Variants in PTOV1 observed in about 807,000 individuals in gnomAD.
PTOV1 encodes PTOV1 extended AT-hook containing adaptor protein.
In PTOV1, 20 loss-of-function variants were observed where a neutral mutation model predicts 58.0. The observed-to-expected ratio is 0.34, with a 90% CI of 0.24 to 0.50. The LOEUF (loss-of-function observed/expected upper bound fraction) is 0.50, where lower values mean the gene tolerates loss of function less well. Among genes scored for constraint, PTOV1 ranks in the 20% least tolerant of loss-of-function variants. The pLI, the probability that PTOV1 is intolerant of heterozygous loss-of-function variation, is 0.98. For missense variants in PTOV1, 593 were observed against 565.4 expected (o/e 1.05, Z -0.50); for synonymous variants, 335 against 234.2 (o/e 1.43, Z -3.93).
intron 4 of PTOV1, 29 bp from the exon 5 acceptor site, chr19:49,854,941 G>A (rs1313772952): frequency 1.3e-6 from 2 of 1,596,928 alleles, no homozygotes; most frequent in South Asian, 1.1e-5. Flanking sequence ...ATGCCTGGCT[G>A]ACCCAGCTGT....
chr19:49,860,576 C>G lies in PTOV1; in HGVS notation c.*297C>G, dbSNP rs551847557. Reference sequence around the variant, plus strand: ...GGGATGTGGGGTCAGTGCTTGGGAGCCTGTGGCCAGCAGCCCCCACTGCAC... The same window carrying G: ...GGGATGTGGGGTCAGTGCTTGGGAGGCTGTGGCCAGCAGCCCCCACTGCAC... On this transcript the variant is annotated 3_prime_UTR_variant, in exon 12 of 12. Coordinates refer to ENST00000391842, the Ensembl canonical transcript of PTOV1. 3 of 543,606 alleles carry G rather than the reference C, an allele frequency of 5.5e-6. No individual in the cohort carries two copies. The South Asian group carries it at 8.1e-5, about 15-fold the overall frequency. The allele number at this position is 543,606 out of a possible 1,614,324, so 33.7% of individuals were successfully genotyped here. A position where few individuals can be genotyped will look rare whatever the true frequency, so the allele number is the denominator to read the frequency against.
chr19:49,850,842 T>C (rs1214768988), upstream of PTOV1: 10 of 1,534,986 alleles, frequency 6.5e-6, no homozygotes, highest in Middle Eastern at 1.7e-4. Flanking sequence ...CTGATGTATT[T>C]TGGCGCGGTC....
chr19:49,854,911 C>CCCCCCCCCCTT, intron 4 of PTOV1, 23 bp downstream of exon 4: 1 of 1,592,030 alleles, frequency 6.3e-7, no homozygotes, highest in Non-Finnish European at 8.6e-7. Context: ...CCTCCCACCC[C>CCCCCCCCCCTT]ATCCACTCTG....
chr19:49,860,385 GGGGGT>G, exon 12 of PTOV1: 1 of 1,274,750 alleles, frequency 7.8e-7, no homozygotes, highest in Non-Finnish European at 1.1e-6. Flanking sequence ...GGCATGTGGG[GGGGGT>G]GGGGTTGGGA....
rs369577757 is a variant in PTOV1, at chr19:49,856,970, C to A, written c.559-5C>A. ...CCACAGGGTCCTGACCCGCGGCCCC[C>A]GCAGGCGGGCTGCATGCTGTTCCCC... On this transcript the variant is annotated splice_region_variant and splice_polypyrimidine_tract_variant and intron_variant, in intron 5 of 11. Transcript: ENST00000391842. The A allele has an allele frequency of 6.2e-7, 1 of 1,612,402 alleles. No homozygotes were observed. Among genetic ancestry groups the A allele is most frequent in the African/African-American group, 1.3e-5 (1 of 74,998 alleles).
At chr19:49,854,483 G>T in exon 2 of PTOV1, 1 of 1,612,776 alleles carries the variant, frequency 6.2e-7, no homozygotes, top group Non-Finnish European at 8.5e-7. Flanking sequence ...GTCTGGCCGT[G>T]AGCGAGCACC....
intron 9 of PTOV1, 41 bp downstream of exon 9, chr19:49,858,155 G>A (rs372955975): frequency 4.4e-6 from 7 of 1,604,268 alleles, no homozygotes; most frequent in Non-Finnish European, 5.1e-6. Flanking sequence ...GCACGCAGTA[G>A]CTCTTCCAGA....
chr19:49,851,155 C>G, upstream of PTOV1: 1 of 1,261,550 alleles, frequency 7.9e-7, no homozygotes, highest in Non-Finnish European at 9.9e-7. Context: ...CCCCCGCTCG[C>G]CTCAGTGGTT....
At position 49,860,322 on chromosome 19, in the gene PTOV1, C is replaced by A. The variant is rs769627818; in HGVS notation, c.*43C>A. ...GCCCCTCCAGGAGTCACAGATGAGG[C>A]CCCCGCAGAGACTGGTGAGTGGTGA... is the stretch of plus-strand genomic sequence containing the variant. On this transcript the variant is annotated 3_prime_UTR_variant, in exon 12 of 12. Coordinates refer to ENST00000391842, the Ensembl canonical transcript of PTOV1. 27 of 1,602,406 alleles carry A rather than the reference C, an allele frequency of 1.7e-5. No individual in the cohort carries two copies. In the South Asian group the frequency reaches 2.8e-4, roughly 16 times the overall value.
At chr19:49,858,896 C>G in intron 10 of PTOV1, 1 of 481,422 alleles carries the variant, frequency 2.1e-6, no homozygotes, top group Non-Finnish European at 3.8e-6. Flanking sequence ...TGACTCAGCA[C>G]CAACTCCGCG....
chr19:49,855,434 C>A (rs909045324), intron 5 of PTOV1: 4 of 309,092 alleles, frequency 1.3e-5, no homozygotes, highest in Non-Finnish European at 2.5e-5. Context: ...GCACAAGAGC[C>A]AGCCAGGAGG....
upstream of PTOV1, chr19:49,851,137 G>A (rs1218750572): frequency 2.3e-6 from 3 of 1,323,076 alleles, no homozygotes; most frequent in South Asian, 3.9e-5. Flanking sequence ...CTTGGTACGC[G>A]CCGGGCTCCC....
chr19:49,858,411 G>A (rs964933979), intron 9 of PTOV1, 138 bp from the exon 10 acceptor site: 141 of 729,036 alleles, frequency 1.9e-4, no homozygotes, highest in Non-Finnish European at 2.9e-4. Context: ...CTGGTTGAGC[G>A]GTGGAGATGA....
At chr19:49,856,757 G>A (rs1033452606) in intron 5 of PTOV1, 10 of 546,386 alleles carry the variant, frequency 1.8e-5, no homozygotes, top group East Asian at 9.2e-5. Context: ...CCTGGGTGCC[G>A]GGTGCCACTC....
chr19:49,854,526 GTCCTCGA>G lies in PTOV1; in HGVS notation c.293_299del (p.Val98GlyfsTer16). On this transcript the variant is annotated frameshift_variant, in exon 2 of 12. Coordinates refer to ENST00000391842, the Ensembl canonical transcript of PTOV1. LOFTEE classifies it high-confidence loss of function. ...CAACAAGCTGCTGGCTTGGAGCGGC[GTCCTCGA>G]GTGGCAGGAGGTGAGTCTCTGTGGG... is the stretch of plus-strand genomic sequence containing the variant. 6.2e-7 allele frequency: 1 copy of G among 1,613,080 alleles called. No homozygotes were observed. The highest frequency in any genetic ancestry group is 1.1e-5 in the South Asian group (1 of 91,058).
At chr19:49,860,425 G>A (rs1215485534) in exon 12 of PTOV1, 1 of 1,272,446 alleles carries the variant, frequency 7.9e-7, no homozygotes, top group Non-Finnish European at 1.1e-6. Flanking sequence ...CCTTGGCCTT[G>A]GGGAGAGCAG....
upstream of PTOV1, chr19:49,851,000 C>T: frequency 6.5e-7 from 1 of 1,534,486 alleles, no homozygotes; most frequent in South Asian, 1.2e-5. Flanking sequence ...TTGTGGCTCG[C>T]GCGTCTTCCC....
chr19:49,851,529 T>C (rs1364252104), intron 1 of PTOV1, 30 bp downstream of exon 1: 3 of 1,127,310 alleles, frequency 2.7e-6, no homozygotes, highest in Non-Finnish European at 3.3e-6. Context: ...TCCAGAGCCT[T>C]CCACGGCCCC....
chr19:49,858,706 C>T (rs376301688), intron 10 of PTOV1, 53 bp downstream of exon 10: 252 of 1,440,456 alleles, frequency 1.7e-4, no homozygotes, highest in Non-Finnish European at 2.1e-4. Flanking sequence ...AGAGCGAGCC[C>T]GGACCGCTCA....
Sources: gnomAD v4.1 joint callset for allele counts on GRCh38, gnomAD v4.1.1 for gene constraint, MANE v1.5 for transcripts, NCBI Gene and HGNC (gene_info 2026-07-23, HGNC 2026-07-21) for gene names.